SDCCAG8: variants seen among roughly 807,000 people sequenced by gnomAD.
The protein encoded by SDCCAG8 is serologically defined colon cancer antigen 8.
SDCCAG8 carries 74 observed loss-of-function variants against 101.8 expected under a neutral mutation model. The ratio of observed to expected loss-of-function variants is 0.73; its 90% CI spans 0.60 to 0.88. The LOEUF (loss-of-function observed/expected upper bound fraction) is 0.88. Among genes scored for constraint, SDCCAG8 ranks in the 40% least tolerant of loss-of-function variants. The pLI is 0.00. For missense variants in SDCCAG8, 787 were observed against 822.6 expected, an observed-to-expected ratio of 0.96 and a Z score of 0.53; for synonymous variants, 281 against 292.9, an observed-to-expected ratio of 0.96 and a Z score of 0.41.
chr1:243,308,730 A>G (rs539592269), intron 8 of SDCCAG8, among the ~76,000 whole-genome samples: 2 of 152,316 alleles, frequency 1.3e-5, no homozygotes, highest in Non-Finnish European at 2.9e-5. Context: ...TTTTCGTCTA[A>G]GCTGAGTGAA....
intron 10 of SDCCAG8, among the ~76,000 whole-genome samples, chr1:243,340,808 A>G (rs1369884729): frequency 6.6e-6 from 1 of 152,178 alleles, no homozygotes; most frequent in Non-Finnish European, 1.5e-5. Context: ...ATCTTGTTAT[A>G]CATTTTTCAA....
intron 10 of SDCCAG8, among the ~76,000 whole-genome samples, chr1:243,331,073 C>T (rs1181699407): frequency 6.6e-6 from 1 of 152,120 alleles, no homozygotes; most frequent in Admixed American, 6.5e-5. Context: ...ATCTCCTACC[C>T]CTAAATTAAA....
chr1:243,308,432 T>A (rs970043800), intron 8 of SDCCAG8, among the ~76,000 whole-genome samples: 5 of 152,246 alleles, frequency 3.3e-5, no homozygotes, highest in Non-Finnish European at 5.9e-5. Context: ...TTTCAGTCCA[T>A]CTTCAAGTGA....
intron 10 of SDCCAG8, among the ~76,000 whole-genome samples, chr1:243,338,211 G>A (rs1167007450): frequency 2.0e-5 from 3 of 152,064 alleles, no homozygotes; most frequent in African/African-American, 7.2e-5. Flanking sequence ...CACAGTGCCC[G>A]GCCTTTCTAA....
intron 16 of SDCCAG8, among the ~76,000 whole-genome samples, chr1:243,454,848 G>A (rs1219965959): frequency 2.0e-5 from 3 of 152,014 alleles, no homozygotes; most frequent in South Asian, 2.1e-4. Context: ...CACTGTGGTC[G>A]GTGTCTGGGG....
intron 11 of SDCCAG8, 50 bp downstream of exon 11, chr1:243,341,223 T>A: frequency 4.4e-6 from 7 of 1,596,738 alleles, no homozygotes; most frequent in Non-Finnish European, 6.0e-6. Flanking sequence ...ATATTTCCTT[T>A]GAAAAATGTT....
At chr1:243,421,090 C>A (rs1205261352) in intron 15 of SDCCAG8, among the ~76,000 whole-genome samples, 1 of 152,128 alleles carries the variant, frequency 6.6e-6, no homozygotes, top group Non-Finnish European at 1.5e-5. Context: ...CTTATGCAAT[C>A]CATATGGTAA....
At chr1:243,443,112 T>G (rs1003871018) in intron 16 of SDCCAG8, among the ~76,000 whole-genome samples, 1 of 152,254 alleles carries the variant, frequency 6.6e-6, no homozygotes, top group African/African-American at 2.4e-5. Flanking sequence ...TCATTATCTT[T>G]GTGTAGAGGA....
chr1:243,382,370 G>A (rs915888095), intron 13 of SDCCAG8, among the ~76,000 whole-genome samples: 1 of 152,024 alleles, frequency 6.6e-6, no homozygotes, highest in African/African-American at 2.4e-5. Flanking sequence ...CCCATCATCT[G>A]TTTTTGTGTG....
intron 12 of SDCCAG8, among the ~76,000 whole-genome samples, chr1:243,376,555 T>C (rs978007952): frequency 1.3e-5 from 2 of 152,216 alleles, no homozygotes; most frequent in African/African-American, 4.8e-5. Flanking sequence ...TATTGTTGCA[T>C]AGTGCTTACA....
At chr1:243,269,954 A>G in intron 1 of SDCCAG8, 151 bp from the exon 2 acceptor site, 1 of 1,037,570 alleles carries the variant, frequency 9.6e-7, no homozygotes. Flanking sequence ...TCTTTGGCAC[A>G]TCCCTCAGCA....
intron 6 of SDCCAG8, among the ~76,000 whole-genome samples, chr1:243,294,506 C>CGAGAGCGAGAGAGAGAGAGAGA (rs1553298250): frequency 9.4e-6 from 1 of 105,886 alleles, no homozygotes; most frequent in Admixed American, 1.2e-4. Context: ...AGAGAAAGAG[C>CGAGAGCGAGAGAGAGAGAGAGA]GAGAGAGAGA....
At chr1:243,294,304 A>G (rs1309270487) in intron 6 of SDCCAG8, among the ~76,000 whole-genome samples, 2 of 152,148 alleles carry the variant, frequency 1.3e-5, no homozygotes, top group African/African-American at 2.4e-5. Flanking sequence ...TGAAGGCTGT[A>G]ATACTCCTTT....
intron 11 of SDCCAG8, among the ~76,000 whole-genome samples, chr1:243,343,000 G>A (rs1573437456): frequency 6.6e-6 from 1 of 152,266 alleles, no homozygotes; most frequent in South Asian, 2.1e-4. Context: ...GTGCAGGCTG[G>A]AGTGCAGTAG....
intron 12 of SDCCAG8, among the ~76,000 whole-genome samples, chr1:243,375,825 G>A (rs1222116591): frequency 6.6e-6 from 1 of 152,122 alleles, no homozygotes; most frequent in Non-Finnish European, 1.5e-5. Flanking sequence ...TGGCATTTCT[G>A]GCAAGAGATT....
At chr1:243,316,660 T>C in intron 8 of SDCCAG8, 95 bp from the exon 9 acceptor site, 1 of 1,481,224 alleles carries the variant, frequency 6.8e-7, no homozygotes, top group Admixed American at 1.7e-5. Flanking sequence ...CTACCCTGGC[T>C]CTTCTAATAC....
chr1:243,296,699 C>T (rs936873649), intron 6 of SDCCAG8, among the ~76,000 whole-genome samples: 54 of 151,690 alleles, frequency 3.6e-4, no homozygotes, highest in African/African-American at 1.2e-3. Context: ...CCCGCCACTG[C>T]GCCCGGCTAA....
At chr1:243,433,573 G>A (rs1438507117) in intron 16 of SDCCAG8, among the ~76,000 whole-genome samples, 1 of 152,138 alleles carries the variant, frequency 6.6e-6, no homozygotes, top group Non-Finnish European at 1.5e-5. Context: ...CCCTTGGCAG[G>A]CTAGACAGGA....
chr1:243,387,993 G>A (rs966262911), intron 13 of SDCCAG8, among the ~76,000 whole-genome samples: 14 of 152,274 alleles, frequency 9.2e-5, no homozygotes, highest in Admixed American at 9.2e-4. Flanking sequence ...TAGGATTACA[G>A]GTGTGAGCCA....
Sources: gnomAD v4.1 joint callset for allele counts (sites outside exome capture counted in the v4.1 genomes callset) on GRCh38, gnomAD v4.1.1 for gene constraint, MANE v1.5 for transcripts, NCBI Gene and HGNC (gene_info 2026-07-23, HGNC 2026-07-21) for gene names.